Variants in PDE3A observed in about 807,000 individuals in gnomAD.
PDE3A encodes the protein cGMP-inhibited 3',5'-cyclic phosphodiesterase 3A.
PDE3A carries 43 observed loss-of-function variants against 98.3 expected under a neutral mutation model. That is an observed-to-expected ratio of 0.44 (90% CI 0.34 to 0.56). PDE3A has a LOEUF of 0.56. PDE3A is among the 20% of genes least tolerant of loss of function. The probability of loss-of-function intolerance (pLI) is 0.01; values close to 1 mark genes in which losing one functional copy is unlikely to be tolerated. For missense variants in PDE3A, 1,427 were observed against 1,440.7 expected, an observed-to-expected ratio of 0.99 and a Z score of 0.15; for synonymous variants, 663 against 567.9, an observed-to-expected ratio of 1.17 and a Z score of -2.38.
rs946041439 is a variant in PDE3A, at chr12:20,646,410, G to A, written c.2252-80G>A. On this transcript the variant is annotated intron_variant, in intron 10 of 15. Transcript: ENST00000359062. ...AATAGTAAAATGTTAGGACTAAACT[G>A]TTTGTCCAGTAGATGGCACTCTTAG... The A allele has an allele frequency of 2.3e-5, 18 of 795,134 alleles. No homozygotes were observed. In the Admixed American group the frequency reaches 3.1e-4, roughly 14 times the overall value. 49.3% of individuals were successfully genotyped at this position (795,134 alleles called of 1,614,324 possible). A position where few individuals can be genotyped will look rare whatever the true frequency, so the allele number is the denominator to read the frequency against.
chr12:20,561,206 C>T (rs535363914), intron 2 of PDE3A, among the ~76,000 whole-genome samples: 69 of 151,662 alleles, frequency 4.5e-4, no homozygotes, highest in African/African-American at 1.5e-3. Flanking sequence ...TGCAGTGAGC[C>T]AAGATTGCGC....
chr12:20,510,136 A>T (rs139563970), intron 1 of PDE3A, among the ~76,000 whole-genome samples: 9 of 152,192 alleles, frequency 5.9e-5, no homozygotes, highest in African/African-American at 2.2e-4. Flanking sequence ...AACACATTTT[A>T]TCAGTATTTT....
At chr12:20,663,940 A>G (rs1424177083) in intron 15 of PDE3A, among the ~76,000 whole-genome samples, 3 of 152,202 alleles carry the variant, frequency 2.0e-5, no homozygotes, top group Non-Finnish European at 4.4e-5. Flanking sequence ...TGTAGTTTAC[A>G]TAATCTCCAT....
chr12:20,565,581 G>A (rs1245385008), intron 2 of PDE3A, among the ~76,000 whole-genome samples: 1 of 151,906 alleles, frequency 6.6e-6, no homozygotes, highest in African/African-American at 2.4e-5. Flanking sequence ...ATAGGGTGGA[G>A]GAGGTTATAT....
At chr12:20,518,918 A>G (rs1230661251) in intron 1 of PDE3A, among the ~76,000 whole-genome samples, 1 of 152,202 alleles carries the variant, frequency 6.6e-6, no homozygotes, top group Non-Finnish European at 1.5e-5. Flanking sequence ...AACTAGTGTA[A>G]CTGAGGAATT....
chr12:20,669,130 G>A (rs1175138369), intron 15 of PDE3A, among the ~76,000 whole-genome samples: 2,365 of 151,692 alleles, frequency 0.016, 44 homozygotes, highest in African/African-American at 0.054. Flanking sequence ...GAAATGAAGC[G>A]AGAAGGGAAG....
intron 1 of PDE3A, among the ~76,000 whole-genome samples, chr12:20,425,771 A>G (rs1380661669): frequency 6.6e-6 from 1 of 152,198 alleles, no homozygotes; most frequent in African/African-American, 2.4e-5. Flanking sequence ...GTCTGGCACT[A>G]TGCGTATTTC....
chr12:20,378,347 T>A (rs1943607500), intron 1 of PDE3A, among the ~76,000 whole-genome samples: 1 of 151,680 alleles, frequency 6.6e-6, no homozygotes, highest in South Asian at 2.1e-4. Flanking sequence ...CAATTCTACA[T>A]CAAGAAATAA....
In PDE3A at chr12:20,369,423, T is replaced by A. The variant is rs1162599570; in HGVS notation, c.139T>A (p.Trp47Arg). The A allele has an allele frequency of 1.3e-6, 2 of 1,555,286 alleles. No homozygotes were observed. The highest frequency in any genetic ancestry group is 1.7e-6 in the Non-Finnish European group (2 of 1,150,410). The change falls in exon 1 of 16, where the codon TGG becomes AGG. Residue 47 changes from tryptophan to arginine, a missense_variant. Transcript: ENST00000359062. ...SPRDSGCRGC[W>R]GDLVLQPLRS... ...GCGGGACTCGGGCTGCCGTGGCTGCTGGGGAGACCTGGTGCTGCAGCCGCT... is the reference window on the plus strand; with the variant it reads ...GCGGGACTCGGGCTGCCGTGGCTGCAGGGGAGACCTGGTGCTGCAGCCGCT...
At chr12:20,550,065 C>T (rs1942158139) in intron 1 of PDE3A, among the ~76,000 whole-genome samples, 1 of 152,044 alleles carries the variant, frequency 6.6e-6, no homozygotes, top group African/African-American at 2.4e-5. Flanking sequence ...ACATGCTTTC[C>T]TCATTTTAAT....
chr12:20,541,510 G>A (rs1467031066), intron 1 of PDE3A, among the ~76,000 whole-genome samples: 1 of 151,978 alleles, frequency 6.6e-6, no homozygotes, highest in Non-Finnish European at 1.5e-5. Flanking sequence ...ACTTGTGGTA[G>A]GAATAGAGAC....
intron 1 of PDE3A, among the ~76,000 whole-genome samples, chr12:20,532,573 A>G (rs1345879983): frequency 3.3e-5 from 5 of 152,220 alleles, no homozygotes; most frequent in Admixed American, 3.3e-4. Flanking sequence ...GTGGTTAAAC[A>G]TGACAGGCAA....
intron 1 of PDE3A, among the ~76,000 whole-genome samples, chr12:20,532,179 A>C (rs757691629): frequency 1.4e-4 from 22 of 152,162 alleles, no homozygotes; most frequent in Non-Finnish European, 2.9e-4. Flanking sequence ...AAGCTATATA[A>C]AGAGCTATAA....
intron 9 of PDE3A, among the ~76,000 whole-genome samples, chr12:20,638,211 ATGTGGAACTTCGTTTG>A (rs1188741481): frequency 6.6e-6 from 1 of 152,166 alleles, no homozygotes; most frequent in African/African-American, 2.4e-5. Context: ...ACATGTCTCA[ATGTGGAACTTCGTTTG>A]GGGTGAGAAT....
intron 1 of PDE3A, among the ~76,000 whole-genome samples, chr12:20,497,849 C>T (rs1431730725): frequency 6.6e-6 from 1 of 151,998 alleles, no homozygotes; most frequent in African/African-American, 2.4e-5. Flanking sequence ...ACTCTTTGCC[C>T]TGTTCTGTTC....
At chr12:20,428,130 C>T (rs1454860623) in intron 1 of PDE3A, among the ~76,000 whole-genome samples, 1 of 151,984 alleles carries the variant, frequency 6.6e-6, no homozygotes, top group Non-Finnish European at 1.5e-5. Flanking sequence ...TGGTCATAAT[C>T]CCAAAAGACA....
intron 14 of PDE3A, among the ~76,000 whole-genome samples, chr12:20,653,550 G>A (rs1327840319): frequency 6.6e-6 from 1 of 152,044 alleles, no homozygotes; most frequent in Non-Finnish European, 1.5e-5. Context: ...TTTTAATAGA[G>A]ACGGAGTTTC....
intron 2 of PDE3A, among the ~76,000 whole-genome samples, chr12:20,610,571 G>A (rs970321612): frequency 6.6e-6 from 1 of 151,900 alleles, no homozygotes; most frequent in African/African-American, 2.4e-5. Context: ...GCACTCTCAT[G>A]TTCATTGCAT....
At chr12:20,454,830 C>T (rs1216147358) in intron 1 of PDE3A, among the ~76,000 whole-genome samples, 1 of 152,148 alleles carries the variant, frequency 6.6e-6, no homozygotes, top group Non-Finnish European at 1.5e-5. Context: ...GCATAGTATT[C>T]CATGGTGTAC....
Sources: gnomAD v4.1 joint callset for allele counts (sites outside exome capture counted in the v4.1 genomes callset) on GRCh38, gnomAD v4.1.1 for gene constraint, MANE v1.5 for transcripts, NCBI Gene and HGNC (gene_info 2026-07-23, HGNC 2026-07-21) for gene names.